CELF2: variants seen among roughly 807,000 people sequenced by gnomAD.
CELF2 encodes CUGBP Elav-like family member 2, also known as CUG triplet repeat RNA-binding protein 2.
In CELF2, 8 loss-of-function variants were observed where a neutral mutation model predicts 62.6. The ratio of observed to expected loss-of-function variants is 0.13; its 90% CI spans 0.07 to 0.23. The LOEUF (loss-of-function observed/expected upper bound fraction) is 0.23. Among genes scored for constraint, CELF2 ranks in the 10% least tolerant of loss-of-function variants. The probability of loss-of-function intolerance (pLI) is 1.00; values close to 1 mark genes in which losing one functional copy is unlikely to be tolerated. For synonymous variants in CELF2, 258 were observed against 250.0 expected, an observed-to-expected ratio of 1.03 and a Z score of -0.30; for missense variants, 333 against 671.0, an observed-to-expected ratio of 0.50 and a Z score of 5.56.
At chr10:10,683,274 TA>T in the CELF2 span, among the ~76,000 whole-genome samples, 1 of 152,232 alleles carries the variant, frequency 6.6e-6, no homozygotes, top group Non-Finnish European at 1.5e-5. Context: ...CTTAGGTTTT[TA>T]AATGTCATTG....
At chr10:11,279,528 G>A (rs956807405) in intron 8 of CELF2, among the ~76,000 whole-genome samples, 2 of 152,168 alleles carry the variant, frequency 1.3e-5, no homozygotes, top group African/African-American at 2.4e-5. Context: ...CCCAAGCTGA[G>A]TCTCCAGCAG....
chr10:10,706,036 A>C, the CELF2 span, among the ~76,000 whole-genome samples: 1 of 152,042 alleles, frequency 6.6e-6, no homozygotes, highest in South Asian at 2.1e-4. Flanking sequence ...AACTATTTAA[A>C]ATGTCTTTAA....
chr10:11,190,144 CAT>C lies in CELF2; in HGVS notation c.271+24463_271+24464del, dbSNP rs1226526032. Among the ~76,000 whole-genome samples, 5 of 152,332 alleles carry C rather than the reference CAT, an allele frequency of 3.3e-5. No homozygotes were observed. The South Asian group carries it at 6.2e-4, about 19-fold the overall frequency. ...TACCTTGTGTTAACTTATTTATGCACATGTCTTATCTCCTCCAACCACTTATA... is the reference window on the plus strand; with the variant it reads ...TACCTTGTGTTAACTTATTTATGCACGTCTTATCTCCTCCAACCACTTATA... On this transcript the variant is annotated intron_variant, in intron 2 of 12. Transcript: ENST00000633077.
At chr10:11,070,610 C>T (rs1006260461) in intron 1 of CELF2, among the ~76,000 whole-genome samples, 1 of 152,030 alleles carries the variant, frequency 6.6e-6, no homozygotes, top group Non-Finnish European at 1.5e-5. Context: ...AAATCTTGAG[C>T]AAAGATGAAA....
At chr10:11,187,052 G>A (rs531365540) in intron 2 of CELF2, among the ~76,000 whole-genome samples, 1 of 152,290 alleles carries the variant, frequency 6.6e-6, no homozygotes, top group Admixed American at 6.5e-5. Flanking sequence ...CTACAAAAGT[G>A]AGTTTGATTG....
Position 11,268,898 on chromosome 10 carries a change from C to T in CELF2, c.619-1768C>T, listed in dbSNP as rs779080126. Among the ~76,000 whole-genome samples, 17 of 152,184 alleles carry T rather than the reference C, an allele frequency of 1.1e-4. No homozygotes were observed. Among genetic ancestry groups the T allele is most frequent in the Admixed American group, 4.6e-4 (7 of 15,278 alleles). On this transcript the variant is annotated intron_variant, in intron 6 of 12. Transcript: ENST00000633077. This position sits in a 1 kb window ranked among gnomAD's most constrained non-coding sequence, Gnocchi z 4.7. The stretch of plus-strand genomic sequence containing the variant: ...GTCTTAAAAACAATTAATTTTATAT[C>T]GTGCCTTCTGTTTCTCCACTTGCCT...
chr10:10,563,208 C>G, the CELF2 span, among the ~76,000 whole-genome samples: 1 of 152,106 alleles, frequency 6.6e-6, no homozygotes, highest in Non-Finnish European at 1.5e-5. Context: ...TCTCTACTGA[C>G]GCTGCTGCCA....
the CELF2 span, among the ~76,000 whole-genome samples, chr10:10,539,561 G>C: frequency 6.6e-6 from 1 of 151,480 alleles, no homozygotes; most frequent in Non-Finnish European, 1.5e-5. Flanking sequence ...GGCAGAGAAG[G>C]CCATATTCCC....
chr10:10,998,679 GTGACACC>G (rs1184783682), intron 2 of CELF2, among the ~76,000 whole-genome samples: 1 of 152,138 alleles, frequency 6.6e-6, no homozygotes, highest in Non-Finnish European at 1.5e-5. Flanking sequence ...AAGAAATGAG[GTGACACC>G]AGCTCTTGGG....
intron 1 of CELF2, among the ~76,000 whole-genome samples, chr10:10,862,552 C>A (rs2060105860): frequency 6.6e-6 from 1 of 152,174 alleles, no homozygotes; most frequent in East Asian, 1.9e-4. Context: ...GGTACTTGGC[C>A]ATTTTTGAGC....
At chr10:11,171,868 G>A (rs994512939) in intron 2 of CELF2, among the ~76,000 whole-genome samples, 2 of 152,198 alleles carry the variant, frequency 1.3e-5, no homozygotes, top group African/African-American at 4.8e-5. Flanking sequence ...TTAAAGGTTT[G>A]TAAGGAATGC....
rs1363927245 is a variant in CELF2, at chr10:11,098,529, A to G, written c.75-66957A>G. The G allele has an allele frequency of 2.0e-5, 3 of 152,258 alleles. No homozygotes were observed. The highest frequency in any genetic ancestry group is 4.4e-5 in the Non-Finnish European group (3 of 68,068). 9.4% of individuals were successfully genotyped at this position (152,258 alleles called of 1,614,324 possible). A position where few individuals can be genotyped will look rare whatever the true frequency, so the allele number is the denominator to read the frequency against. On this transcript the variant is annotated intron_variant, in intron 1 of 12. Coordinates refer to ENST00000633077, the MANE Select transcript of CELF2 (RefSeq NM_001326342.2). The surrounding 1 kb of genome is among the most constrained non-coding windows in gnomAD (Gnocchi z 4.0). ...AGTTAGGGAAGAAATGAGGGAAAAA[A>G]TGGATGAGGAAGAGGGCCCAAAAAG... is the stretch of plus-strand genomic sequence containing the variant.
upstream of CELF2, among the ~76,000 whole-genome samples, chr10:11,001,978 C>G (rs1233991945): frequency 1.3e-5 from 2 of 152,148 alleles, no homozygotes; most frequent in Non-Finnish European, 2.9e-5. Flanking sequence ...GTATCCAAGT[C>G]AGAAACTGCT....
chr10:10,691,776 C>T, the CELF2 span, among the ~76,000 whole-genome samples: 1 of 146,952 alleles, frequency 6.8e-6, no homozygotes, highest in African/African-American at 2.5e-5. Context: ...AGCATTTTTT[C>T]ATGTGTTTTT....
At chr10:10,523,370 G>C in the CELF2 span, among the ~76,000 whole-genome samples, 25 of 152,064 alleles carry the variant, frequency 1.6e-4, no homozygotes, top group African/African-American at 5.6e-4. Context: ...TTTTTAAATG[G>C]GATATTATGC....
At chr10:11,149,650 C>T (rs1397570885) in intron 1 of CELF2, among the ~76,000 whole-genome samples, 2 of 152,212 alleles carry the variant, frequency 1.3e-5, no homozygotes, top group Admixed American at 1.3e-4. Context: ...GCTCTGCTCT[C>T]ACTGACTTTC....
At chr10:10,774,590 C>A in the CELF2 span, among the ~76,000 whole-genome samples, 1 of 152,212 alleles carries the variant, frequency 6.6e-6, no homozygotes, top group Non-Finnish European at 1.5e-5. Context: ...CTTCCCCTTG[C>A]CTTCCGCGAT....
the CELF2 span, among the ~76,000 whole-genome samples, chr10:10,528,032 C>T: frequency 6.6e-6 from 1 of 152,208 alleles, no homozygotes; most frequent in Admixed American, 6.5e-5. Flanking sequence ...ATGACCTACC[C>T]TCAGATAAGA....
chr10:10,520,663 G>A, the CELF2 span, among the ~76,000 whole-genome samples: 317 of 152,190 alleles, frequency 2.1e-3, 1 homozygote, highest in Non-Finnish European at 2.5e-3. Context: ...CACAATATGA[G>A]ATGCAACCAG....
Sources: gnomAD v4.1 joint callset for allele counts (sites outside exome capture counted in the v4.1 genomes callset) on GRCh38, gnomAD v4.1.1 for gene constraint, Gnocchi (gnomAD v3.1) non-coding constraint, MANE v1.5 for transcripts, NCBI Gene and HGNC (gene_info 2026-07-23, HGNC 2026-07-21) for gene names.